The following DCAF1 variants were observed in gnomAD, a reference collection of about 807,000 sequenced individuals.
DCAF1 encodes the protein DDB1 and CUL4 associated factor 1.
DCAF1 carries 15 observed loss-of-function variants against 128.0 expected under a neutral mutation model. That is an observed-to-expected ratio of 0.12 (90% CI 0.08 to 0.18). The LOEUF is 0.18. DCAF1 is among the 10% of genes least tolerant of loss of function. The pLI is 1.00. For missense variants in DCAF1, 988 were observed against 1,649.5 expected (o/e 0.60, Z 6.95); for synonymous variants, 610 against 603.0 (o/e 1.01, Z -0.17).
At chr3:51,494,149 G>A (rs147123716) in intron 2 of DCAF1, among the ~76,000 whole-genome samples, 2,569 of 138,986 alleles carry the variant, frequency 0.018, 205 homozygotes, top group Admixed American at 0.14. Context: ...GTCTCACTCT[G>A]TCGCCCAGAG....
At chr3:51,419,006 T>G in intron 15 of DCAF1, 130 bp from the exon 16 acceptor site, 1 of 1,358,780 alleles carries the variant, frequency 7.4e-7, no homozygotes. Flanking sequence ...CACAGTGACC[T>G]TCAGTGCTTT....
At chr3:51,399,793 T>C (rs1391055760) in intron 24 of DCAF1, among the ~76,000 whole-genome samples, 50 of 151,622 alleles carry the variant, frequency 3.3e-4, no homozygotes, top group Non-Finnish European at 4.4e-5. Context: ...TTTACCTAGG[T>C]CCCCCATAAA....
At chr3:51,492,715 C>A (rs1460709631) in intron 2 of DCAF1, among the ~76,000 whole-genome samples, 3 of 152,058 alleles carry the variant, frequency 2.0e-5, no homozygotes, top group African/African-American at 7.2e-5. Flanking sequence ...AAGGGTGGCC[C>A]CGGGCGCGGT....
At chr3:51,483,646 TATGAAGAAATCTA>T in intron 3 of DCAF1, 60 bp downstream of exon 3, 1 of 954,364 alleles carries the variant, frequency 1.0e-6, no homozygotes. Context: ...TGTGTGTGTG[TATGAAGAAATCTA>T]GCGTATGAGT....
chr3:51,466,388 T>C (rs1235503266), intron 5 of DCAF1, among the ~76,000 whole-genome samples: 1 of 152,180 alleles, frequency 6.6e-6, no homozygotes, highest in Non-Finnish European at 1.5e-5. Flanking sequence ...AATTACTATG[T>C]TCAGGAGCTG....
At chr3:51,446,254 G>A (rs1553640192) in intron 6 of DCAF1, among the ~76,000 whole-genome samples, 1 of 152,010 alleles carries the variant, frequency 6.6e-6, no homozygotes, top group African/African-American at 2.4e-5. Flanking sequence ...CTCCCACTCA[G>A]CTCCCAAAGA....
At chr3:51,495,405 T>C (rs1263742806) in intron 2 of DCAF1, among the ~76,000 whole-genome samples, 3 of 152,120 alleles carry the variant, frequency 2.0e-5, no homozygotes, top group Admixed American at 2.0e-4. Context: ...CCCAGCACTT[T>C]GGAAGGCTGA....
intron 11 of DCAF1, 68 bp downstream of exon 11, chr3:51,429,965 C>G (rs1700229621): frequency 1.4e-6 from 1 of 740,436 alleles, no homozygotes. Flanking sequence ...CAAGGGTGTG[C>G]CGTTAAAGGG....
intron 23 of DCAF1, among the ~76,000 whole-genome samples, 180 bp from the exon 24 acceptor site, chr3:51,403,575 A>C (rs1190663263): frequency 6.6e-6 from 1 of 152,216 alleles, no homozygotes; most frequent in Admixed American, 6.5e-5. Flanking sequence ...ATAGGCACAC[A>C]TGTCCCTCAA....
intron 1 of DCAF1, among the ~76,000 whole-genome samples, chr3:51,499,338 C>G (rs150438585): frequency 6.6e-6 from 1 of 152,186 alleles, no homozygotes; most frequent in African/African-American, 2.4e-5. Flanking sequence ...GCCCGGAAAG[C>G]TCCGCCCCCG....
At chr3:51,451,529 G>A (rs1702350630) in intron 6 of DCAF1, among the ~76,000 whole-genome samples, 1 of 152,098 alleles carries the variant, frequency 6.6e-6, no homozygotes, top group Non-Finnish European at 1.5e-5. Flanking sequence ...GGGAGGCCAA[G>A]ACGGGTGGAT....
chr3:51,443,823 T>A lies in DCAF1; in HGVS notation c.456A>T (p.Gly152=). Residue 152 remains glycine (G), a synonymous_variant, in exon 7 of 25, where the codon GGA becomes GGT. Transcript: ENST00000684031. ...CAATGTCTTGATTTTCCATAGCACCTCCTAACAGTCCAGTAGAATATGTCC... is the reference window on the plus strand; with the variant it reads ...CAATGTCTTGATTTTCCATAGCACCACCTAACAGTCCAGTAGAATATGTCC... The part of the protein sequence containing the change: ...PLRTYSTGLL[G]GAMENQDIAA... 6.2e-7 allele frequency: 1 copy of A among 1,612,772 alleles called. No individual in the cohort carries two copies. The highest frequency in any genetic ancestry group is 1.1e-5 in the South Asian group (1 of 90,750).
At chr3:51,482,360 G>A (rs1706309207) in intron 3 of DCAF1, among the ~76,000 whole-genome samples, 1 of 150,504 alleles carries the variant, frequency 6.6e-6, no homozygotes. Flanking sequence ...TAAGAAGATG[G>A]CTTGAGTCCA....
chr3:51,504,069 G>T (rs1184352987), upstream of DCAF1, among the ~76,000 whole-genome samples: 1 of 149,032 alleles, frequency 6.7e-6, no homozygotes, highest in Admixed American at 6.7e-5. Context: ...ATGGAGTCTG[G>T]CTCTGTCGCC....
At chr3:51,459,574 T>G (rs2107993474) in intron 6 of DCAF1, among the ~76,000 whole-genome samples, 1 of 152,304 alleles carries the variant, frequency 6.6e-6, no homozygotes, top group Non-Finnish European at 1.5e-5. Context: ...AGCATCATCC[T>G]GATACCAAAG....
At chr3:51,468,816 T>C (rs1377460285) in intron 4 of DCAF1, among the ~76,000 whole-genome samples, 1 of 152,206 alleles carries the variant, frequency 6.6e-6, no homozygotes, top group East Asian at 1.9e-4. Flanking sequence ...TACTGAAAAA[T>C]GTCATATCTT....
intron 6 of DCAF1, among the ~76,000 whole-genome samples, chr3:51,455,828 CG>C (rs1702841209): frequency 1.3e-5 from 2 of 151,574 alleles, no homozygotes; most frequent in African/African-American, 4.8e-5. Flanking sequence ...ACCTGGGAGG[CG>C]GAAGTTGCAG....
intron 2 of DCAF1, among the ~76,000 whole-genome samples, chr3:51,486,098 G>C (rs1368614606): frequency 6.6e-6 from 1 of 151,614 alleles, no homozygotes; most frequent in Non-Finnish European, 1.5e-5. Context: ...CACCGTGTTA[G>C]CCAGGATGGT....
At chr3:51,503,798 C>T (rs1553664819), upstream of DCAF1, among the ~76,000 whole-genome samples, 1 of 152,202 alleles carries the variant, frequency 6.6e-6, no homozygotes, top group African/African-American at 2.4e-5. Flanking sequence ...TGTCTGATTA[C>T]ATCCACATCC....
Sources: allele counts gnomAD v4.1 joint callset (sites outside exome capture counted in the v4.1 genomes callset), GRCh38; gene constraint gnomAD v4.1.1; transcripts MANE v1.5; gene names NCBI Gene and HGNC (gene_info 2026-07-23, HGNC 2026-07-21).